Variants in UNC5A observed in about 807,000 individuals in gnomAD.
UNC5A encodes the protein unc-5 netrin receptor A.
In UNC5A, 20 loss-of-function variants were observed where a neutral mutation model predicts 87.4. That is an observed-to-expected ratio of 0.23 (90% CI 0.16 to 0.33). UNC5A has a LOEUF of 0.33. Ranked by LOEUF, UNC5A falls within the 10% of genes least tolerant of loss-of-function variation. UNC5A has a pLI of 1.00. For synonymous variants in UNC5A, 438 were observed against 482.3 expected, an observed-to-expected ratio of 0.91 and a Z score of 1.20; for missense variants, 844 against 1,133.4, an observed-to-expected ratio of 0.74 and a Z score of 3.67.
rs1374367648 is a variant in UNC5A at position 176,837,414 on chromosome 5, G to A, written c.71-25210G>A. On this transcript the variant is annotated intron_variant, in intron 1 of 14. Coordinates refer to ENST00000329542, the MANE Select transcript of UNC5A (RefSeq NM_133369.3). ...GGCTGACTTCCCAGAGCCCTACTCT[G>A]CCTGGCTGCTTCTCCCAGGGTCCCT... 3.9e-5 allele frequency among the ~76,000 whole-genome samples: 6 copies of A among 152,306 alleles called. No homozygotes were observed. The East Asian group carries it at 1.2e-3, about 29-fold the overall frequency.
intron 1 of UNC5A, among the ~76,000 whole-genome samples, chr5:176,853,161 T>C (rs1366162215): frequency 6.6e-6 from 1 of 152,160 alleles, no homozygotes; most frequent in Non-Finnish European, 1.5e-5. Context: ...GTGCAGAGCA[T>C]TTGAGAACAG....
chr5:176,843,172 A>AAAAAG (rs1430323771), intron 1 of UNC5A, among the ~76,000 whole-genome samples: 15 of 148,258 alleles, frequency 1.0e-4, no homozygotes, highest in African/African-American at 3.8e-4. Flanking sequence ...AAAAAAAAAA[A>AAAAAG]AAAGAAAGAA....
rs536051109 is a variant in UNC5A at position 176,880,372 on chromosome 5, CAG to C, written c.*487_*488del. 237 of 155,384 alleles carry C rather than the reference CAG, an allele frequency of 1.5e-3. 4 individuals carry two copies. The highest frequency in any genetic ancestry group is 9.7e-3 in the Middle Eastern group (3 of 308). The allele number at this position is 155,384 out of a possible 1,614,324, so 9.6% of individuals were successfully genotyped here. On this transcript the variant is annotated 3_prime_UTR_variant, in exon 15 of 15. Transcript: ENST00000329542. Reference sequence around the variant, plus strand: ...TGCAGGACCGAGGGCCACAGCCGGACAGGGGGTAGCCCCTGGATTCAGGCACA... The same window carrying C: ...TGCAGGACCGAGGGCCACAGCCGGACGGGGTAGCCCCTGGATTCAGGCACA...
At chr5:176,827,177 T>TC (rs1386937195) in intron 1 of UNC5A, among the ~76,000 whole-genome samples, 1 of 115,662 alleles carries the variant, frequency 8.6e-6, no homozygotes, top group South Asian at 3.2e-4. Context: ...ACTGCTTCAT[T>TC]CCTTTTTTTT....
At chr5:176,862,264 C>T (rs963109582) in intron 1 of UNC5A, among the ~76,000 whole-genome samples, 4 of 152,244 alleles carry the variant, frequency 2.6e-5, no homozygotes, top group African/African-American at 9.6e-5. Flanking sequence ...GGGACCTTCT[C>T]ACCTTGGCCA....
In UNC5A at chr5:176,880,002, C is replaced by T. The variant is rs907691863; in HGVS notation, c.*116C>T. ...GGAGAGCTGCTCGGACAGGCCCCCTCCCGGCCGAAGCTGTCCCTTAATGCT... is the reference window on the plus strand; with the variant it reads ...GGAGAGCTGCTCGGACAGGCCCCCTTCCGGCCGAAGCTGTCCCTTAATGCT... On this transcript the variant is annotated 3_prime_UTR_variant, in exon 15 of 15. Coordinates refer to ENST00000329542, the MANE Select transcript of UNC5A (RefSeq NM_133369.3). The T allele has an allele frequency of 7.4e-7, 1 of 1,359,708 alleles. No homozygotes were observed. The highest frequency in any genetic ancestry group is 9.8e-7 in the Non-Finnish European group (1 of 1,022,176). 84.2% of individuals were successfully genotyped at this position (1,359,708 alleles called of 1,614,324 possible). A position where few individuals can be genotyped will look rare whatever the true frequency, so the allele number is the denominator to read the frequency against.
Position 176,841,088 on chromosome 5 carries a change from G to A in UNC5A, c.71-21536G>A, listed in dbSNP as rs1198614412. Among the ~76,000 whole-genome samples, 3 of 152,254 alleles carry A rather than the reference G, an allele frequency of 2.0e-5. No individual in the cohort carries two copies. The highest frequency in any genetic ancestry group is 4.4e-5 in the Non-Finnish European group (3 of 68,050). On this transcript the variant is annotated intron_variant, in intron 1 of 14. Transcript: ENST00000329542. This position sits in a 1 kb window ranked among gnomAD's most constrained non-coding sequence, Gnocchi z 4.1. The stretch of plus-strand genomic sequence containing the variant: ...TGGTCATGCATTGAAAGCTGTGGCA[G>A]GCAACGGGAGTGTCAGAAACTGTTC...
rs186906541 is a variant in UNC5A at position 176,829,830 on chromosome 5, G to T, written c.70+19010G>T. Among the ~76,000 whole-genome samples, 7 of 149,856 alleles carry T rather than the reference G, an allele frequency of 4.7e-5. No individual in the cohort carries two copies. In the East Asian group the frequency reaches 1.4e-3, roughly 30 times the overall value. The stretch of plus-strand genomic sequence containing the variant: ...GGAAGTACAAGTTCATTACCACGGG[G>T]CTGGTTCATTACCACAGGCCTCCAA... On this transcript the variant is annotated intron_variant, in intron 1 of 14. Transcript: ENST00000329542.
chr5:176,872,111 C>T (rs1162651051), intron 6 of UNC5A, among the ~76,000 whole-genome samples: 1 of 115,518 alleles, frequency 8.7e-6, no homozygotes, highest in South Asian at 3.4e-4. Context: ...CCACACTCAC[C>T]CCACACCACA....
chr5:176,817,738 G>A (rs890758794), intron 1 of UNC5A, among the ~76,000 whole-genome samples: 14 of 152,052 alleles, frequency 9.2e-5, no homozygotes, highest in African/African-American at 3.4e-4. Context: ...CTGCCGTGGA[G>A]CGCGGGTGCC....
rs57092052 is a variant in UNC5A, at chr5:176,841,499, T to C, written c.71-21125T>C. Among the ~76,000 whole-genome samples the C allele has an allele frequency of 0.11, 16,762 of 152,232 alleles. 2,723 individuals carry two copies. Among genetic ancestry groups the C allele is most frequent in the African/African-American group, 0.36 (14,748 of 41,500 alleles). On this transcript the variant is annotated intron_variant, in intron 1 of 14. Transcript: ENST00000329542. This position sits in a 1 kb window ranked among gnomAD's most constrained non-coding sequence, Gnocchi z 4.1. ...GGCTGTGGACATGTTATTGATTGAATGTCTCTGAGCCTCAGTTTGTCACCT... is the reference window on the plus strand; with the variant it reads ...GGCTGTGGACATGTTATTGATTGAACGTCTCTGAGCCTCAGTTTGTCACCT...
chr5:176,866,764 T>A lies in UNC5A; in HGVS notation c.293-1366T>A, dbSNP rs1171041674. Among the ~76,000 whole-genome samples, 2 of 152,048 alleles carry A rather than the reference T, an allele frequency of 1.3e-5. No individual in the cohort carries two copies. Among genetic ancestry groups the A allele is most frequent in the Non-Finnish European group, 2.9e-5 (2 of 67,954 alleles). ...TACAAGGACCCTGTGAGCCACCCCC[T>A]CGTTCTCAGCCTGCCCACCCCACCC... On this transcript the variant is annotated intron_variant, in intron 2 of 14. Coordinates refer to ENST00000329542, the MANE Select transcript of UNC5A (RefSeq NM_133369.3). This position sits in a 1 kb window ranked among gnomAD's most constrained non-coding sequence, Gnocchi z 5.0.
intron 1 of UNC5A, among the ~76,000 whole-genome samples, chr5:176,819,310 C>T (rs1426089829): frequency 6.6e-6 from 1 of 152,176 alleles, no homozygotes; most frequent in African/African-American, 2.4e-5. Context: ...CTTGAAGTGA[C>T]ATGGGACACT....
In UNC5A at chr5:176,838,623, GCT is replaced by G. The variant is rs1418006436; in HGVS notation, c.71-23998_71-23997del. Among the ~76,000 whole-genome samples, 4 of 152,252 alleles carry G rather than the reference GCT, an allele frequency of 2.6e-5. No individual in the cohort carries two copies. The highest frequency in any genetic ancestry group is 4.4e-5 in the Non-Finnish European group (3 of 68,042). On this transcript the variant is annotated intron_variant, in intron 1 of 14. Coordinates refer to ENST00000329542, the MANE Select transcript of UNC5A (RefSeq NM_133369.3). This position sits in a 1 kb window ranked among gnomAD's most constrained non-coding sequence, Gnocchi z 4.2. Reference sequence around the variant, plus strand: ...CTGGAGCTACCCTGCTCGCTGTTCTGCTCTGTCTTCCCTGGTGTTGGCCATAT... The same window carrying G: ...CTGGAGCTACCCTGCTCGCTGTTCTGCTGTCTTCCCTGGTGTTGGCCATAT...
chr5:176,821,953 C>T (rs1228139281), intron 1 of UNC5A, among the ~76,000 whole-genome samples: 3 of 152,210 alleles, frequency 2.0e-5, no homozygotes, highest in African/African-American at 4.8e-5. Flanking sequence ...GGACTTTAGA[C>T]TCTGGTAGGT....
Position 176,880,771 on chromosome 5 carries a change from C to T in UNC5A, c.*885C>T. The T allele has an allele frequency of 3.8e-6, 1 of 262,156 alleles. No individual in the cohort carries two copies. The highest frequency in any genetic ancestry group is 8.6e-5 in the South Asian group (1 of 11,610). The allele number at this position is 262,156 out of a possible 1,614,324, so 16.2% of individuals were successfully genotyped here. On this transcript the variant is annotated 3_prime_UTR_variant, in exon 15 of 15. Transcript: ENST00000329542. ...GGGCCTGTCATGTGAAGCTCGTGTC[C>T]TGACTTTGTCTTAAGTGCATTCACG...
intron 1 of UNC5A, among the ~76,000 whole-genome samples, chr5:176,813,121 G>T (rs1023586443): frequency 6.6e-6 from 1 of 152,202 alleles, no homozygotes; most frequent in Admixed American, 6.5e-5. Flanking sequence ...GCACCTGCAG[G>T]CCCTCTCTGT....
rs111958553 is a variant in UNC5A at position 176,841,016 on chromosome 5, G to T, written c.71-21608G>T. On this transcript the variant is annotated intron_variant, in intron 1 of 14. Coordinates refer to ENST00000329542, the MANE Select transcript of UNC5A (RefSeq NM_133369.3). This position sits in a 1 kb window ranked among gnomAD's most constrained non-coding sequence, Gnocchi z 4.1. ...TGGAAAACCATCCACCTCCTTCACC[G>T]GAGAAGGGGGATGAACCACTCCGCG... Among the ~76,000 whole-genome samples, 1 of 152,348 alleles carries T rather than the reference G, an allele frequency of 6.6e-6. No individual in the cohort carries two copies. The highest frequency in any genetic ancestry group is 1.9e-4 in the East Asian group (1 of 5,192).
At position 176,877,714 on chromosome 5, in the gene UNC5A, A is replaced by G. The variant is rs1402017957; in HGVS notation, c.1635+11A>G. The stretch of plus-strand genomic sequence containing the variant: ...GAGGGCAGCTGGGAGGTGAGCAGGG[A>G]ACTGACCCGGGCTCCAGAAGGGAAC... On this transcript the variant is annotated intron_variant, in intron 10 of 14. Transcript: ENST00000329542. The G allele has an allele frequency of 1.9e-6, 3 of 1,584,840 alleles. No homozygotes were observed. The highest frequency in any genetic ancestry group is 2.6e-6 in the Non-Finnish European group (3 of 1,162,298).
Sources: gnomAD v4.1 joint callset for allele counts (sites outside exome capture counted in the v4.1 genomes callset) on GRCh38, gnomAD v4.1.1 for gene constraint, Gnocchi (gnomAD v3.1) non-coding constraint, MANE v1.5 for transcripts, NCBI Gene and HGNC (gene_info 2026-07-23, HGNC 2026-07-21) for gene names.